Variants in APLF observed in about 807,000 individuals in gnomAD.
APLF encodes the protein aprataxin and PNK-like factor.
Under a neutral mutation model 55.6 loss-of-function variants are expected in APLF, and 61 were observed. That is an observed-to-expected ratio of 1.10 (90% CI 0.89 to 1.36). The LOEUF (loss-of-function observed/expected upper bound fraction) is 1.36. Ranked by LOEUF, APLF falls within the 40% of genes most tolerant of loss-of-function variation. The pLI, the probability that APLF is intolerant of heterozygous loss-of-function variation, is 0.00. For synonymous variants in APLF, 207 were observed against 214.8 expected, an observed-to-expected ratio of 0.96 and a Z score of 0.32; for missense variants, 611 against 602.5, an observed-to-expected ratio of 1.01 and a Z score of -0.15.
intron 1 of APLF, among the ~76,000 whole-genome samples, chr2:68,487,337 A>T (rs1156910343): frequency 6.6e-6 from 1 of 152,154 alleles, no homozygotes; most frequent in African/African-American, 2.4e-5. Context: ...AATGATATTG[A>T]GGGATGCAAT....
At chr2:68,519,581 C>T (rs980844524) in intron 5 of APLF, among the ~76,000 whole-genome samples, 1 of 149,874 alleles carries the variant, frequency 6.7e-6, no homozygotes, top group Non-Finnish European at 1.5e-5. Context: ...CTCCCCACTA[C>T]GATTCCCCAT....
rs1334077669 is a variant in APLF at position 68,578,735 on chromosome 2, C to G, written c.*713C>G. On this transcript the variant is annotated 3_prime_UTR_variant, in exon 10 of 10. Coordinates refer to ENST00000303795, the MANE Select transcript of APLF (RefSeq NM_173545.3). ...CTTTTTTTTCAAACTAAAGTCCTAG[C>G]TGATTATTTTAACTCTCAGTGTGCT... The G allele has an allele frequency of 7.1e-6, 7 of 984,776 alleles. No homozygotes were observed. The highest frequency in any genetic ancestry group is 1.8e-5 in the African/African-American group (1 of 57,106). 61.0% of individuals were successfully genotyped at this position (984,776 alleles called of 1,614,324 possible). A position where few individuals can be genotyped will look rare whatever the true frequency, so the allele number is the denominator to read the frequency against.
intron 7 of APLF, among the ~76,000 whole-genome samples, chr2:68,541,087 T>G (rs2104010792): frequency 6.6e-6 from 1 of 152,284 alleles, no homozygotes; most frequent in African/African-American, 2.4e-5. Flanking sequence ...GTTTGGTAAT[T>G]GGATATTCAT....
At chr2:68,548,105 T>G (rs558555691) in intron 8 of APLF, among the ~76,000 whole-genome samples, 1 of 152,018 alleles carries the variant, frequency 6.6e-6, no homozygotes, top group African/African-American at 2.4e-5. Flanking sequence ...AACTTCCAGA[T>G]GAATTGGTGT....
At position 68,528,299 on chromosome 2, in the gene APLF, C is replaced by T; in HGVS notation, c.804+2057C>T. ...TCTTAGTCTCCTGAATTTTGATGTT[C>T]TACTTAACACCCTCATGTTCTTACG... On this transcript the variant is annotated intron_variant, in intron 6 of 9. Coordinates refer to ENST00000303795, the MANE Select transcript of APLF (RefSeq NM_173545.3). 3.5e-6 allele frequency: 5 copies of T among 1,411,318 alleles called. No individual in the cohort carries two copies. The South Asian group carries it at 6.1e-5, about 17-fold the overall frequency. The allele number at this position is 1,411,318 out of a possible 1,614,324, so 87.4% of individuals were successfully genotyped here.
chr2:68,491,623 A>G (rs935120476), intron 2 of APLF, among the ~76,000 whole-genome samples: 3 of 152,186 alleles, frequency 2.0e-5, no homozygotes, highest in Non-Finnish European at 4.4e-5. Context: ...AAATATAGAA[A>G]TGATTATTTT....
At chr2:68,478,767 T>TGAG (rs1675861968) in intron 1 of APLF, among the ~76,000 whole-genome samples, 1 of 152,008 alleles carries the variant, frequency 6.6e-6, no homozygotes, top group Non-Finnish European at 1.5e-5. Flanking sequence ...GGAAGAGAAG[T>TGAG]GAGCACTGGG....
intron 1 of APLF, among the ~76,000 whole-genome samples, chr2:68,471,338 C>T (rs776660482): frequency 2.6e-5 from 4 of 152,016 alleles, no homozygotes; most frequent in Admixed American, 6.6e-5. Flanking sequence ...ATTGATAATT[C>T]GCTAAATTCA....
intron 8 of APLF, among the ~76,000 whole-genome samples, chr2:68,551,715 A>G (rs10187921): frequency 0.091 from 12,242 of 134,986 alleles, 565 homozygotes; most frequent in Middle Eastern, 0.15. Flanking sequence ...TAGTTCTTTT[A>G]ATGTTCTTAT....
At chr2:68,471,101 A>G (rs896567300) in intron 1 of APLF, among the ~76,000 whole-genome samples, 3 of 152,188 alleles carry the variant, frequency 2.0e-5, no homozygotes, top group Admixed American at 1.3e-4. Context: ...ACCAGTGCCT[A>G]GCACACAGTA....
At chr2:68,515,979 T>C (rs1200261324) in intron 5 of APLF, among the ~76,000 whole-genome samples, 2 of 151,792 alleles carry the variant, frequency 1.3e-5, no homozygotes, top group Non-Finnish European at 2.9e-5. Context: ...TAAAAATTAA[T>C]TCGCAGGATG....
At chr2:68,487,074 C>T (rs1676199225) in intron 1 of APLF, among the ~76,000 whole-genome samples, 1 of 152,094 alleles carries the variant, frequency 6.6e-6, no homozygotes, top group African/African-American at 2.4e-5. Flanking sequence ...TAAATCCTAT[C>T]CACTTTATGA....
At chr2:68,477,891 A>T (rs923711250) in intron 1 of APLF, among the ~76,000 whole-genome samples, 3 of 152,040 alleles carry the variant, frequency 2.0e-5, no homozygotes, top group Non-Finnish European at 1.5e-5. Flanking sequence ...TATGGGAGAA[A>T]CCACCCCATG....
At chr2:68,480,062 T>C (rs1675904350) in intron 1 of APLF, among the ~76,000 whole-genome samples, 1 of 152,222 alleles carries the variant, frequency 6.6e-6, no homozygotes, top group Non-Finnish European at 1.5e-5. Flanking sequence ...ATCAATCATT[T>C]ATAATTGATT....
chr2:68,548,761 T>C (rs1425581963), intron 8 of APLF, among the ~76,000 whole-genome samples: 1 of 151,994 alleles, frequency 6.6e-6, no homozygotes, highest in East Asian at 1.9e-4. Flanking sequence ...AAAAAACTTT[T>C]GTAATGGAGA....
At chr2:68,485,849 G>A (rs1429471941) in intron 1 of APLF, among the ~76,000 whole-genome samples, 16 of 134,692 alleles carry the variant, frequency 1.2e-4, no homozygotes, top group Admixed American at 3.3e-4. Context: ...TCACCCTGTC[G>A]CCCAGACTGG....
Position 68,577,884 on chromosome 2 carries a change from C to T in APLF, c.1398C>T (p.Asp466=). The change falls in exon 10 of 10, where the codon GAC becomes GAT. Residue 466 remains aspartate (D), a synonymous_variant. Coordinates refer to ENST00000303795, the MANE Select transcript of APLF (RefSeq NM_173545.3). The part of the protein sequence containing the change: ...VGQPNEYDLN[D]SFLDDEEEDY... ...AACCCAATGAGTATGACCTGAACGA[C>T]AGCTTTCTAGATGATGAGGAAGAAG... 1 of 1,613,416 alleles carries T rather than the reference C, an allele frequency of 6.2e-7. No individual in the cohort carries two copies. Among genetic ancestry groups the T allele is most frequent in the Non-Finnish European group, 8.5e-7 (1 of 1,179,690 alleles).
rs575311490 is a variant in APLF at position 68,534,625 on chromosome 2, C to T, written c.805-3247C>T. Among the ~76,000 whole-genome samples, 32 of 152,266 alleles carry T rather than the reference C, an allele frequency of 2.1e-4. 1 individual carries two copies. In the South Asian group the frequency reaches 4.8e-3, roughly 23 times the overall value. ...CTCTACCAGCTCCATGCTCTTCCGT[C>T]CCTCAGGTCTCTAACATGTATATTT... On this transcript the variant is annotated intron_variant, in intron 6 of 9. Coordinates refer to ENST00000303795, the MANE Select transcript of APLF (RefSeq NM_173545.3).
In APLF at chr2:68,470,952, G is replaced by A. The variant is rs184261936; in HGVS notation, c.96+3125G>A. ...AAAGTAACCATCCCCTGACCTGGCA[G>A]CTCTATACTTTTAACTGCTTGTTGC... On this transcript the variant is annotated intron_variant, in intron 1 of 9. Transcript: ENST00000303795. Among the ~76,000 whole-genome samples the A allele has an allele frequency of 2.9e-3, 441 of 152,258 alleles. 3 individuals carry two copies. The highest frequency in any genetic ancestry group is 5.4e-3 in the South Asian group (26 of 4,824).
Sources: allele counts gnomAD v4.1 joint callset (sites outside exome capture counted in the v4.1 genomes callset), GRCh38; gene constraint gnomAD v4.1.1; transcripts MANE v1.5; gene names NCBI Gene and HGNC (gene_info 2026-07-23, HGNC 2026-07-21).